Variants in PHLDB1 observed in about 807,000 individuals in gnomAD.
The protein encoded by PHLDB1 is pleckstrin homology-like domain family B member 1.
In PHLDB1, 65 loss-of-function variants were observed where a neutral mutation model predicts 139.3. That is an observed-to-expected ratio of 0.47 (90% CI 0.38 to 0.57). The LOEUF (loss-of-function observed/expected upper bound fraction) is 0.57, where lower values mean the gene tolerates loss of function less well. Among genes scored for constraint, PHLDB1 ranks in the 20% least tolerant of loss-of-function variants. The pLI, the probability that PHLDB1 is intolerant of heterozygous loss-of-function variation, is 0.00. For synonymous variants in PHLDB1, 679 were observed against 734.5 expected (o/e 0.92, Z 1.22); for missense variants, 1,624 against 1,839.7 (o/e 0.88, Z 2.14).
In PHLDB1 at chr11:118,610,395, C is replaced by G; in HGVS notation, c.-22+2696C>G. ...CTGACTCCTTCCTCTGACGGCGGCC[C>G]TTTCTCGAGGGCGGATGTGCGCCTG... is the stretch of plus-strand genomic sequence containing the variant. On this transcript the variant is annotated intron_variant, in intron 1 of 22. Coordinates refer to ENST00000600882, the MANE Select transcript of PHLDB1 (RefSeq NM_001144758.3). This position sits in a 1 kb window ranked among gnomAD's most constrained non-coding sequence, Gnocchi z 8.7. 1 of 970,462 alleles carries G rather than the reference C, an allele frequency of 1.0e-6. No individual in the cohort carries two copies. Among genetic ancestry groups the G allele is most frequent in the Non-Finnish European group, 1.2e-6 (1 of 816,164 alleles). The allele number at this position is 970,462 out of a possible 1,614,324, so 60.1% of individuals were successfully genotyped here.
chr11:118,657,331 C>CT lies in PHLDB1; in HGVS notation c.*508_*509insT, dbSNP rs574310958. 3 of 154,688 alleles carry CT rather than the reference C, an allele frequency of 1.9e-5. No homozygotes were observed. The highest frequency in any genetic ancestry group is 7.2e-5 in the African/African-American group (3 of 41,556). The allele number at this position is 154,688 out of a possible 1,614,324, so 9.6% of individuals were successfully genotyped here. ...ATCTCAAGTGTCAACCTTGAGGTCCCAGCTCCATCCCCTAGTTGCAGACTC... is the reference window on the plus strand; with the variant it reads ...ATCTCAAGTGTCAACCTTGAGGTCCCTAGCTCCATCCCCTAGTTGCAGACTC... On this transcript the variant is annotated 3_prime_UTR_variant, in exon 23 of 23. Transcript: ENST00000600882.
intron 9 of PHLDB1, chr11:118,634,903 C>A: frequency 2.3e-6 from 1 of 435,978 alleles, no homozygotes; most frequent in Non-Finnish European, 4.6e-6. Flanking sequence ...CGCCCTCTCC[C>A]TCGCCCTCCC....
rs1555089446 is a variant in PHLDB1, at chr11:118,616,231, G to C, written c.355+20G>C. 2.5e-6 allele frequency: 4 copies of C among 1,609,594 alleles called. No individual in the cohort carries two copies. The Admixed American group carries it at 6.7e-5, about 27-fold the overall frequency. On this transcript the variant is annotated intron_variant, in intron 4 of 22. Coordinates refer to ENST00000600882, the MANE Select transcript of PHLDB1 (RefSeq NM_001144758.3). ...CTCAGGGTAAGGCTGGACACCTCCA[G>C]ATGGAGGGGGCCTCTGTTTAAAGGC...
In PHLDB1 at chr11:118,608,173, G is replaced by A. The variant is rs1939476188; in HGVS notation, c.-22+474G>A. Among the ~76,000 whole-genome samples the A allele has an allele frequency of 6.6e-6, 1 of 152,110 alleles. No individual in the cohort carries two copies. The highest frequency in any genetic ancestry group is 2.1e-4 in the South Asian group (1 of 4,834). On this transcript the variant is annotated intron_variant, in intron 1 of 22. Coordinates refer to ENST00000600882, the MANE Select transcript of PHLDB1 (RefSeq NM_001144758.3). The surrounding 1 kb of genome is among the most constrained non-coding windows in gnomAD (Gnocchi z 6.7). ...CGTCTCCCCGCCTGTCCCCAGGCCG[G>A]CCGCCTTGATGGACCAGGAAGGGAT...
chr11:118,612,097 C>T (rs555778641), intron 1 of PHLDB1, among the ~76,000 whole-genome samples: 159 of 148,158 alleles, frequency 1.1e-3, no homozygotes, highest in South Asian at 5.9e-3. Context: ...TACAGTCACT[C>T]CTCATTCCAC....
intron 20 of PHLDB1, 42 bp from the exon 21 acceptor site, chr11:118,655,563 A>T (rs1555141077): frequency 7.9e-7 from 1 of 1,263,034 alleles, no homozygotes; most frequent in South Asian, 1.2e-5. Flanking sequence ...GCTAGACCTG[A>T]AGTGTGACCG....
In PHLDB1 at chr11:118,627,486, A is replaced by T; in HGVS notation, c.663A>T (p.Pro221=). 1.2e-6 allele frequency: 2 copies of T among 1,614,172 alleles called. No individual in the cohort carries two copies. Among genetic ancestry groups the T allele is most frequent in the Non-Finnish European group, 1.7e-6 (2 of 1,180,022 alleles). ...AAGKKPAATS[P]LSPMANGGRY... is the part of the protein sequence containing the mutation. ...GCAAGAAGCCTGCCGCAACCTCTCCACTGTCACCGATGGCTAATGGTGGGC... is the reference window on the plus strand; with the variant it reads ...GCAAGAAGCCTGCCGCAACCTCTCCTCTGTCACCGATGGCTAATGGTGGGC... The change falls in exon 6 of 23, where the codon CCA becomes CCT. Residue 221 remains proline, a synonymous_variant. Transcript: ENST00000600882.
chr11:118,632,418 T>G lies in PHLDB1; in HGVS notation c.2379+122T>G. 2.0e-6 allele frequency: 2 copies of G among 1,018,976 alleles called. No homozygotes were observed. Among genetic ancestry groups the G allele is most frequent in the Non-Finnish European group, 2.9e-6 (2 of 685,406 alleles). The allele number at this position is 1,018,976 out of a possible 1,614,324, so 63.1% of individuals were successfully genotyped here. On this transcript the variant is annotated intron_variant, in intron 9 of 22. Coordinates refer to ENST00000600882, the MANE Select transcript of PHLDB1 (RefSeq NM_001144758.3). The surrounding 1 kb of genome is among the most constrained non-coding windows in gnomAD (Gnocchi z 5.9). ...TCCATTCTGCAGTACAAGTGGTCTC[T>G]GTGGCTTTCCAGAGACAGAGTGACT...
rs781851565 is a variant in PHLDB1, at chr11:118,631,255, C to T, written c.1876C>T (p.Arg626Trp). 9.4e-6 allele frequency: 14 copies of T among 1,481,646 alleles called. No individual in the cohort carries two copies. Among genetic ancestry groups the T allele is most frequent in the East Asian group, 7.8e-5 (3 of 38,476 alleles). 91.8% of individuals were successfully genotyped at this position (1,481,646 alleles called of 1,614,324 possible). A position where few individuals can be genotyped will look rare whatever the true frequency, so the allele number is the denominator to read the frequency against. The change falls in exon 7 of 23, where the codon CGG becomes TGG. Residue 626 changes from arginine to tryptophan, a missense_variant. Arg to Trp is a moderately radical substitution (Grantham distance 101). Coordinates refer to ENST00000600882, the MANE Select transcript of PHLDB1 (RefSeq NM_001144758.3). ...CCTGAACCTGTGTGCCGAATACAGC[C>T]GGGCTGATGGGGGACCTGAGGCTGG... The part of the protein sequence containing the change: ...TILNLCAEYS[R>W]ADGGPEAGEL...
chr11:118,637,914 G>A (rs782110562), intron 10 of PHLDB1: 4 of 152,258 alleles, frequency 2.6e-5, no homozygotes, highest in Non-Finnish European at 4.4e-5. Flanking sequence ...AGACAATGTG[G>A]ATCTTACGTT....
rs1183297990 is a variant in PHLDB1, at chr11:118,627,321, G to C, written c.498G>C (p.Leu166=). The C allele has an allele frequency of 6.2e-7, 1 of 1,613,622 alleles. No individual in the cohort carries two copies. Among genetic ancestry groups the C allele is most frequent in the Admixed American group, 1.7e-5 (1 of 59,872 alleles). Residue 166 remains leucine, a synonymous_variant, in exon 6 of 23, where the codon CTG becomes CTC. Transcript: ENST00000600882. The part of the protein sequence containing the change: ...YSPVPAESES[L]VNGNHTPQTA... ...TCCCTCCAGCAGAATCAGAAAGTCT[G>C]GTAAATGGGAACCACACCCCACAGA...
At chr11:118,609,315 TAC>T (rs1328667637) in intron 1 of PHLDB1, among the ~76,000 whole-genome samples, 2 of 23,104 alleles carry the variant, frequency 8.7e-5, no homozygotes, top group South Asian at 1.7e-3. Flanking sequence ...CAGCCCAGCT[TAC>T]ACACACAGCC....
rs782299261 is a variant in PHLDB1, at chr11:118,650,513, C to T, written c.3840C>T (p.Phe1280=). Residue 1280 remains phenylalanine (F), a synonymous_variant, in exon 20 of 23, where the codon TTC becomes TTT. Transcript: ENST00000600882. This position sits in a 1 kb window ranked among gnomAD's most constrained non-coding sequence, Gnocchi z 4.7. ...IKSWKKRWFV[F]DRLKRTLSYY... is the part of the protein sequence containing the mutation. ...CATGGAAGAAGCGCTGGTTTGTCTTCGACCGGCTCAAGCGCACCCTTTCCT... is the reference window on the plus strand; with the variant it reads ...CATGGAAGAAGCGCTGGTTTGTCTTTGACCGGCTCAAGCGCACCCTTTCCT... 9.3e-6 allele frequency: 15 copies of T among 1,614,096 alleles called. No individual in the cohort carries two copies. Among genetic ancestry groups the T allele is most frequent in the Non-Finnish European group, 1.3e-5 (15 of 1,179,944 alleles).
intron 4 of PHLDB1, 124 bp downstream of exon 4, chr11:118,616,335 G>A: frequency 1.3e-6 from 1 of 775,944 alleles, no homozygotes; most frequent in Non-Finnish European, 2.1e-6. Flanking sequence ...TGGGAATGGA[G>A]TACTCAGGTG....
At chr11:118,609,570 G>C (rs12225399) in intron 1 of PHLDB1, among the ~76,000 whole-genome samples, 56,511 of 151,414 alleles carry the variant, frequency 0.37, 10,928 homozygotes, top group African/African-American at 0.49. Context: ...CGCAGCCCCA[G>C]CTCACACACG....
chr11:118,625,805 C>A (rs1555100613), intron 5 of PHLDB1, among the ~76,000 whole-genome samples: 1 of 152,156 alleles, frequency 6.6e-6, no homozygotes, highest in African/African-American at 2.4e-5. Flanking sequence ...TTATCAGTAT[C>A]CATGGCATCC....
chr11:118,643,627 A>G, intron 13 of PHLDB1, 173 bp from the exon 14 acceptor site: 3 of 985,450 alleles, frequency 3.0e-6, no homozygotes, highest in Non-Finnish European at 3.6e-6. Context: ...GAGAATTGGC[A>G]GCTGCCAATA....
At position 118,627,649 on chromosome 11, in the gene PHLDB1, G is replaced by C. The variant is rs201063480; in HGVS notation, c.826G>C (p.Glu276Gln). 3.1e-6 allele frequency: 5 copies of C among 1,612,156 alleles called. No homozygotes were observed. The highest frequency in any genetic ancestry group is 4.2e-6 in the Non-Finnish European group (5 of 1,180,036). ...TGCCAGTCACTCACCCAGTGGGCAA[G>C]AGCCAGGACCTTCTGTGCCCCCGCT... Reference protein sequence around the residue: ...SCASHSPSGQEPGPSVPPLVP... With the variant: ...SCASHSPSGQQPGPSVPPLVP... Residue 276 changes from glutamate (E) to glutamine (Q), a missense_variant, in exon 6 of 23, where the codon GAG (glutamate) becomes CAG (glutamine). By Grantham distance (29) the Glu-to-Gln change is conservative (BLOSUM62 2). Transcript: ENST00000600882.
chr11:118,633,730 A>G (rs1945162553), intron 9 of PHLDB1: 1 of 152,220 alleles, frequency 6.6e-6, no homozygotes, highest in South Asian at 2.1e-4. Flanking sequence ...GAGTCCAAGG[A>G]TGAGGAAGCA....
Sources: gnomAD v4.1 joint callset for allele counts (sites outside exome capture counted in the v4.1 genomes callset) on GRCh38, gnomAD v4.1.1 for gene constraint, Gnocchi (gnomAD v3.1) non-coding constraint, MANE v1.5 for transcripts, NCBI Gene and HGNC (gene_info 2026-07-23, HGNC 2026-07-21) for gene names.